The following PTPRD variants were observed in gnomAD, a reference collection of about 807,000 sequenced individuals.
The protein encoded by PTPRD is protein tyrosine phosphatase receptor type D, also known as receptor-type tyrosine-protein phosphatase delta.
A neutral mutation model predicts 214.5 loss-of-function variants in PTPRD; 34 were observed. The ratio of observed to expected loss-of-function variants is 0.16; its 90% CI spans 0.12 to 0.21. The LOEUF is 0.21. Among genes scored for constraint, PTPRD ranks in the 10% least tolerant of loss-of-function variants. PTPRD has a pLI of 1.00. For missense variants in PTPRD, 2,545 were observed against 2,398.7 expected (o/e 1.06, Z -1.27); for synonymous variants, 1,128 against 845.7 (o/e 1.33, Z -5.79).
intron 9 of PTPRD, among the ~76,000 whole-genome samples, chr9:9,241,912 G>A (rs1044965369): frequency 2.0e-5 from 3 of 152,010 alleles, no homozygotes; most frequent in African/African-American, 7.2e-5. Flanking sequence ...TATTTTGCTC[G>A]TTAGTTGATG....
At chr9:9,671,574 T>C (rs2096833521) in intron 7 of PTPRD, among the ~76,000 whole-genome samples, 1 of 152,132 alleles carries the variant, frequency 6.6e-6, no homozygotes, top group African/African-American at 2.4e-5. Context: ...TGAATTGTAC[T>C]CCTATAATTT....
intron 14 of PTPRD, among the ~76,000 whole-genome samples, chr9:8,548,943 G>A (rs2081165541): frequency 2.6e-5 from 4 of 151,840 alleles, no homozygotes; most frequent in Admixed American, 1.3e-4. Flanking sequence ...CGCCTGCCTC[G>A]GCCTCACAAA....
At chr9:9,117,136 G>C (rs1407743187) in intron 10 of PTPRD, among the ~76,000 whole-genome samples, 1 of 151,870 alleles carries the variant, frequency 6.6e-6, no homozygotes, top group East Asian at 1.9e-4. Flanking sequence ...AGTAATTTTT[G>C]AGCTTGTTGA....
intron 11 of PTPRD, among the ~76,000 whole-genome samples, chr9:8,994,944 C>A (rs373892798): frequency 1.1e-3 from 173 of 152,052 alleles, no homozygotes; most frequent in African/African-American, 3.9e-3. Context: ...GGAAAAATGG[C>A]AGTGATTGGT....
At chr9:9,538,348 G>A (rs1484919774) in intron 8 of PTPRD, among the ~76,000 whole-genome samples, 1 of 151,730 alleles carries the variant, frequency 6.6e-6, no homozygotes, top group Non-Finnish European at 1.5e-5. Context: ...CAAGTTTCTG[G>A]CAATTTGTCT....
intron 8 of PTPRD, among the ~76,000 whole-genome samples, chr9:9,468,375 GTAGT>G (rs942366929): frequency 5.0e-4 from 76 of 151,982 alleles, no homozygotes; most frequent in Non-Finnish European, 1.1e-3. Flanking sequence ...AGATATCTAT[GTAGT>G]TATCTTTGTA....
intron 7 of PTPRD, among the ~76,000 whole-genome samples, chr9:9,594,777 T>G (rs549522741): frequency 6.6e-6 from 1 of 152,154 alleles, no homozygotes; most frequent in East Asian, 1.9e-4. Flanking sequence ...AAAGGAATAG[T>G]CAGCAGAGTA....
intron 30 of PTPRD, among the ~76,000 whole-genome samples, chr9:8,482,963 C>A (rs139843073): frequency 4.6e-5 from 7 of 152,372 alleles, no homozygotes; most frequent in African/African-American, 1.7e-4. Context: ...AAGCATAATT[C>A]TATCATTAAC....
At chr9:9,449,708 C>T (rs1467028115) in intron 8 of PTPRD, among the ~76,000 whole-genome samples, 2 of 151,900 alleles carry the variant, frequency 1.3e-5, no homozygotes, top group Non-Finnish European at 2.9e-5. Flanking sequence ...CAGACATAAC[C>T]TCAATTATAT....
intron 3 of PTPRD, among the ~76,000 whole-genome samples, chr9:10,079,230 G>A (rs1020101418): frequency 2.0e-5 from 3 of 152,090 alleles, no homozygotes; most frequent in South Asian, 2.1e-4. Context: ...GGTTGTGCCT[G>A]ACTGTCTAAT....
chr9:8,315,412 C>T lies in PTPRD; in HGVS notation c.*2462G>A, dbSNP rs1172962890. On this transcript the variant is annotated 3_prime_UTR_variant, in exon 46 of 46. Coordinates refer to ENST00000381196, the MANE Select transcript of PTPRD (RefSeq NM_002839.4). Reference sequence around the variant, plus strand: ...GCTCCATCGGATTCTACATGTCCAACAAGGCATGTCTGGATGATGCAATGT... The same window carrying T: ...GCTCCATCGGATTCTACATGTCCAATAAGGCATGTCTGGATGATGCAATGT... 2 of 232,408 alleles carry T rather than the reference C, an allele frequency of 8.6e-6. No homozygotes were observed. Among genetic ancestry groups the T allele is most frequent in the Non-Finnish European group, 1.7e-5 (2 of 117,332 alleles). The allele number at this position is 232,408 out of a possible 1,614,324, so 14.4% of individuals were successfully genotyped here.
At chr9:8,858,523 T>C (rs185135873) in intron 11 of PTPRD, among the ~76,000 whole-genome samples, 13 of 152,162 alleles carry the variant, frequency 8.5e-5, no homozygotes, top group Admixed American at 4.6e-4. Context: ...AGGAAAGTCA[T>C]TGGAAAGGCT....
intron 4 of PTPRD, among the ~76,000 whole-genome samples, chr9:9,976,848 TAAC>T (rs2095374287): frequency 6.6e-6 from 1 of 151,988 alleles, no homozygotes; most frequent in East Asian, 1.9e-4. Flanking sequence ...TGATAAATAA[TAAC>T]AAGTTAAATT....
At chr9:8,487,789 A>G (rs1453737871) in intron 27 of PTPRD, among the ~76,000 whole-genome samples, 4 of 151,712 alleles carry the variant, frequency 2.6e-5, no homozygotes, top group Non-Finnish European at 5.9e-5. Flanking sequence ...CAGCCTGGGC[A>G]ACAAGAGCAA....
At chr9:10,522,129 G>A (rs10959142) in intron 2 of PTPRD, among the ~76,000 whole-genome samples, 15 of 151,900 alleles carry the variant, frequency 9.9e-5, no homozygotes, top group African/African-American at 3.1e-4. Context: ...TTCAAATACC[G>A]AAAGGTTTGG....
At chr9:9,580,847 C>A (rs556371924) in intron 7 of PTPRD, among the ~76,000 whole-genome samples, 2 of 151,926 alleles carry the variant, frequency 1.3e-5, no homozygotes, top group East Asian at 1.9e-4. Context: ...CCGTGCCCAG[C>A]CCTTAGCCTA....
At chr9:10,161,250 G>T (rs530921298) in intron 3 of PTPRD, among the ~76,000 whole-genome samples, 1 of 151,802 alleles carries the variant, frequency 6.6e-6, no homozygotes, top group South Asian at 2.1e-4. Context: ...ATCCTGAATA[G>T]CCAAAGCAAT....
intron 11 of PTPRD, among the ~76,000 whole-genome samples, chr9:8,835,407 G>C (rs1229639894): frequency 1.3e-5 from 2 of 152,230 alleles, no homozygotes; most frequent in African/African-American, 4.8e-5. Flanking sequence ...TTCTTGCCCA[G>C]AGAGTCGGCT....
intron 6 of PTPRD, among the ~76,000 whole-genome samples, chr9:9,759,375 C>G (rs1200460335): frequency 2.0e-5 from 3 of 152,126 alleles, no homozygotes; most frequent in African/African-American, 4.8e-5. Flanking sequence ...GTCCCCACAA[C>G]CCAGTAATTA....
Sources: gnomAD v4.1 joint callset for allele counts (sites outside exome capture counted in the v4.1 genomes callset) on GRCh38, gnomAD v4.1.1 for gene constraint, MANE v1.5 for transcripts, NCBI Gene and HGNC (gene_info 2026-07-23, HGNC 2026-07-21) for gene names.